The following RPL31 variants were observed in gnomAD, a reference collection of about 807,000 sequenced individuals.
The protein encoded by RPL31 is large ribosomal subunit protein eL31.
For synonymous variants in RPL31, 51 were observed against 55.0 expected (o/e 0.93, Z 0.32); for missense variants, 95 against 164.0 (o/e 0.58, Z 2.30).
downstream of RPL31, among the ~76,000 whole-genome samples, chr2:101,010,327 G>A (rs1014809691): frequency 4.6e-5 from 7 of 152,162 alleles, no homozygotes; most frequent in Non-Finnish European, 1.0e-4. Flanking sequence ...AGGGAAGAAT[G>A]CTGTATCCAC....
intron 4 of RPL31, among the ~76,000 whole-genome samples, chr2:101,012,347 A>G (rs958435839): frequency 2.0e-5 from 3 of 152,240 alleles, no homozygotes; most frequent in East Asian, 1.9e-4. Context: ...TACCCATGCA[A>G]TGGAATATTT....
At chr2:101,018,055 T>A in intron 4 of RPL31, 1 of 939,648 alleles carries the variant, frequency 1.1e-6, no homozygotes, top group Non-Finnish European at 1.6e-6. Context: ...CTGACAAATG[T>A]AATGTTGACA....
chr2:101,007,945 T>C (rs752690412), downstream of RPL31: 1 of 1,614,024 alleles, frequency 6.2e-7, no homozygotes, highest in South Asian at 1.1e-5. Flanking sequence ...TTCAAAAAAG[T>C]TGACTAATGA....
chr2:101,002,844 C>T, intron 2 of RPL31, 36 bp downstream of exon 2: 1 of 1,499,430 alleles, frequency 6.7e-7, no homozygotes, highest in Non-Finnish European at 9.3e-7. Flanking sequence ...GTCTCGAACT[C>T]ACGCGTCTGG....
chr2:101,011,052 G>T, downstream of RPL31: 1 of 1,599,380 alleles, frequency 6.3e-7, no homozygotes, highest in Non-Finnish European at 8.5e-7. Flanking sequence ...AACAATATGT[G>T]GTTTAATTTA....
chr2:101,019,139 T>C (rs1679870854), exon 5 of RPL31: 2 of 1,492,630 alleles, frequency 1.3e-6, no homozygotes, highest in African/African-American at 1.4e-5. Flanking sequence ...CGAGGACGTC[T>C]GTCTCCCATA....
downstream of RPL31, among the ~76,000 whole-genome samples, chr2:101,009,331 G>C (rs1269010167): frequency 6.6e-6 from 1 of 151,744 alleles, no homozygotes; most frequent in Admixed American, 6.6e-5. Flanking sequence ...GCATGAACTT[G>C]GGAGGCGGAG....
At chr2:101,015,860 GGCTA>G (rs1679593581) in intron 4 of RPL31, among the ~76,000 whole-genome samples, 1 of 151,752 alleles carries the variant, frequency 6.6e-6, no homozygotes, top group Non-Finnish European at 1.5e-5. Flanking sequence ...TGGGAAAACT[GGCTA>G]GCCATATGTA....
chr2:101,004,008 C>T (rs1190888511), intron 2 of RPL31, 150 bp from the exon 3 acceptor site: 2 of 789,848 alleles, frequency 2.5e-6, no homozygotes, highest in East Asian at 5.4e-5. Context: ...GCACACTGGC[C>T]TACTGTATGC....
rs1369850799 is a variant in RPL31 at position 101,006,725 on chromosome 2, C to CT, written c.*347dup. On this transcript the variant is annotated 3_prime_UTR_variant, in exon 5 of 5. Coordinates refer to ENST00000264258, the MANE Select transcript of RPL31 (RefSeq NM_000993.5). ...GACATCTTAACATTTTAGGAAACAA[C>CT]TTTAAAATGATATACTATCTATCTA... The CT allele has an allele frequency of 8.2e-6, 2 of 243,706 alleles. No homozygotes were observed. The highest frequency in any genetic ancestry group is 4.5e-5 in the African/African-American group (2 of 44,012). The allele number at this position is 243,706 out of a possible 1,614,324, so 15.1% of individuals were successfully genotyped here. A position where few individuals can be genotyped will look rare whatever the true frequency, so the allele number is the denominator to read the frequency against.
chr2:101,010,517 TATG>T (rs1380824913), downstream of RPL31, among the ~76,000 whole-genome samples: 6 of 152,140 alleles, frequency 3.9e-5, no homozygotes, highest in African/African-American at 1.4e-4. Context: ...ATTTAATCAC[TATG>T]ATGTTCCGCT....
At position 101,006,581 on chromosome 2, in the gene RPL31, C is replaced by T. The variant is rs1678747690; in HGVS notation, c.*200C>T. ...TTCAAACTGCAACCTAGTTTTAGAA[C>T]CACTGTTCTGGGTAGTTGGGATACT... On this transcript the variant is annotated 3_prime_UTR_variant, in exon 5 of 5. Transcript: ENST00000264258. 3 of 528,344 alleles carry T rather than the reference C, an allele frequency of 5.7e-6. No homozygotes were observed. Among genetic ancestry groups the T allele is most frequent in the Non-Finnish European group, 9.8e-6 (3 of 305,706 alleles). 32.7% of individuals were successfully genotyped at this position (528,344 alleles called of 1,614,324 possible). A position where few individuals can be genotyped will look rare whatever the true frequency, so the allele number is the denominator to read the frequency against.
At chr2:101,016,669 C>T (rs1415950501) in intron 4 of RPL31, among the ~76,000 whole-genome samples, 1 of 152,146 alleles carries the variant, frequency 6.6e-6, no homozygotes, top group African/African-American at 2.4e-5. Flanking sequence ...GACTTGGAAC[C>T]AACCCAAATG....
chr2:101,002,672 GCT>G, intron 1 of RPL31, 28 bp from the exon 2 acceptor site: 3 of 1,563,066 alleles, frequency 1.9e-6, no homozygotes, highest in Non-Finnish European at 2.6e-6. Context: ...GTTAAACTCT[GCT>G]CTGAGCCTCC....
At chr2:101,011,572 A>G, downstream of RPL31, 2 of 1,610,850 alleles carry the variant, frequency 1.2e-6, no homozygotes, top group Non-Finnish European at 1.7e-6. Context: ...TAAATTAAAC[A>G]AATTTTCTGC....
At chr2:101,002,594 C>T (rs924054319) in intron 1 of RPL31, 108 bp from the exon 2 acceptor site, 26 of 928,710 alleles carry the variant, frequency 2.8e-5, no homozygotes, top group Non-Finnish European at 3.9e-5. Flanking sequence ...CCTGGCCAGA[C>T]TCTCAGCACC....
intron 4 of RPL31, among the ~76,000 whole-genome samples, chr2:101,012,638 A>C (rs908477346): frequency 1.5e-4 from 23 of 150,064 alleles, no homozygotes; most frequent in East Asian, 1.2e-3. Flanking sequence ...AAAAAAAAAA[A>C]CCCATTGAAT....
In RPL31 at chr2:101,006,593, G is replaced by A. The variant is rs1573837978; in HGVS notation, c.*212G>A. On this transcript the variant is annotated 3_prime_UTR_variant, in exon 5 of 5. Transcript: ENST00000264258. ...CCTAGTTTTAGAACCACTGTTCTGG[G>A]TAGTTGGGATACTGAAGGCATATTG... 1 of 474,246 alleles carries A rather than the reference G, an allele frequency of 2.1e-6. No homozygotes were observed. Among genetic ancestry groups the A allele is most frequent in the Non-Finnish European group, 3.7e-6 (1 of 272,862 alleles). The allele number at this position is 474,246 out of a possible 1,614,324, so 29.4% of individuals were successfully genotyped here. A position where few individuals can be genotyped will look rare whatever the true frequency, so the allele number is the denominator to read the frequency against.
At chr2:101,018,076 A>G in intron 4 of RPL31, 1 of 736,386 alleles carries the variant, frequency 1.4e-6, no homozygotes, top group Non-Finnish European at 2.2e-6. Flanking sequence ...ATCTAGGCTA[A>G]TGGGACTAGA....
Sources: gnomAD v4.1 joint callset for allele counts (sites outside exome capture counted in the v4.1 genomes callset) on GRCh38, gnomAD v4.1.1 for gene constraint, MANE v1.5 for transcripts, NCBI Gene and HGNC (gene_info 2026-07-23, HGNC 2026-07-21) for gene names.